Variants in E2F3 observed in about 807,000 individuals in gnomAD.
The protein encoded by E2F3 is E2F transcription factor 3.
A neutral mutation model predicts 44.4 loss-of-function variants in E2F3; 11 were observed. That is an observed-to-expected ratio of 0.25 (90% CI 0.16 to 0.41). The LOEUF is 0.41. Among genes scored for constraint, E2F3 ranks in the 10% least tolerant of loss-of-function variants. The pLI, the probability that E2F3 is intolerant of heterozygous loss-of-function variation, is 1.00. For synonymous variants in E2F3, 249 were observed against 253.0 expected, an observed-to-expected ratio of 0.98 and a Z score of 0.15; for missense variants, 487 against 583.6, an observed-to-expected ratio of 0.83 and a Z score of 1.70.
chr6:20,429,456 A>G (rs1020343241), intron 1 of E2F3, among the ~76,000 whole-genome samples: 5 of 151,952 alleles, frequency 3.3e-5, no homozygotes, highest in African/African-American at 1.2e-4. Context: ...CTATTCCCCA[A>G]CCCTCATTCC....
At position 20,402,481 on chromosome 6, in the gene E2F3, C is replaced by A. The variant is rs919183891; in HGVS notation, c.249C>A (p.Pro83=). 1.7e-5 allele frequency: 27 copies of A among 1,608,788 alleles called. No homozygotes were observed. Among genetic ancestry groups the A allele is most frequent in the Admixed American group, 5.0e-5 (3 of 59,952 alleles). ...AAAGCGGCGCCGTAGCCGCCGGCCC[C>A]CTCCTCCCCAGTGCCCCCGGCGCGG... ...SLQSGAVAAG[P]LLPSAPGAEQ... The change falls in exon 1 of 7, where the codon CCC becomes CCA. Residue 83 remains proline (P), a synonymous_variant. Transcript: ENST00000346618. The surrounding 1 kb of genome is among the most constrained non-coding windows in gnomAD (Gnocchi z 5.6).
At chr6:20,476,980 C>T (rs1051685368) in intron 1 of E2F3, among the ~76,000 whole-genome samples, 1 of 152,126 alleles carries the variant, frequency 6.6e-6, no homozygotes, top group Non-Finnish European at 1.5e-5. Context: ...CTGAGGCAAG[C>T]CACATCGTAA....
intron 1 of E2F3, among the ~76,000 whole-genome samples, chr6:20,470,564 T>A (rs1285428559): frequency 6.7e-6 from 1 of 150,160 alleles, no homozygotes; most frequent in African/African-American, 2.5e-5. Flanking sequence ...ATTTCACTGA[T>A]GTACTTAACT....
chr6:20,449,550 T>C (rs909475758), intron 1 of E2F3, among the ~76,000 whole-genome samples: 1 of 152,190 alleles, frequency 6.6e-6, no homozygotes, highest in Non-Finnish European at 1.5e-5. Flanking sequence ...TAATTTCCTA[T>C]AAGGGGATCA....
chr6:20,416,959 A>G (rs930456602), intron 1 of E2F3, among the ~76,000 whole-genome samples: 1 of 152,160 alleles, frequency 6.6e-6, no homozygotes. Flanking sequence ...CACGGGACTC[A>G]GCAACAGAAA....
At chr6:20,430,762 A>C (rs1760374197) in intron 1 of E2F3, among the ~76,000 whole-genome samples, 1 of 152,190 alleles carries the variant, frequency 6.6e-6, no homozygotes, top group Non-Finnish European at 1.5e-5. Context: ...GGACATGTTG[A>C]TTATAAAAGA....
At chr6:20,406,519 G>C (rs1039368170) in intron 1 of E2F3, among the ~76,000 whole-genome samples, 6 of 152,252 alleles carry the variant, frequency 3.9e-5, no homozygotes, top group African/African-American at 1.4e-4. Context: ...GTCTTTAAGT[G>C]ATCTGTAATT....
chr6:20,439,466 TGTAA>T (rs1760700621), intron 1 of E2F3, among the ~76,000 whole-genome samples: 1 of 152,240 alleles, frequency 6.6e-6, no homozygotes, highest in Non-Finnish European at 1.5e-5. Context: ...ATTTTAATAC[TGTAA>T]GTCTTTCCAC....
Position 20,461,783 on chromosome 6 carries a change from C to T in E2F3, c.394-18063C>T, listed in dbSNP as rs563047852. On this transcript the variant is annotated intron_variant, in intron 1 of 6. Transcript: ENST00000346618. ...AAATTCTTGTGTACACATCCTTGTG[C>T]ATATGCGCAAGAGTTTATGGTGCAT... Among the ~76,000 whole-genome samples the T allele has an allele frequency of 3.3e-5, 5 of 152,308 alleles. No homozygotes were observed. The East Asian group carries it at 9.7e-4, about 29-fold the overall frequency.
chr6:20,478,611 C>A (rs912044377), intron 1 of E2F3, among the ~76,000 whole-genome samples: 2 of 152,148 alleles, frequency 1.3e-5, no homozygotes, highest in African/African-American at 4.8e-5. Flanking sequence ...GACTTCGAGA[C>A]CAGCCTGGCC....
chr6:20,438,484 G>A (rs1760666614), intron 1 of E2F3, among the ~76,000 whole-genome samples: 1 of 151,910 alleles, frequency 6.6e-6, no homozygotes, highest in African/African-American at 2.4e-5. Flanking sequence ...TCAGTGTCTC[G>A]GCATATTTGA....
chr6:20,417,588 TAAAAA>T (rs11344554), intron 1 of E2F3, among the ~76,000 whole-genome samples: 3 of 139,136 alleles, frequency 2.2e-5, no homozygotes, highest in African/African-American at 7.7e-5. Context: ...ATAATGGATT[TAAAAA>T]AAAAAAAAAA....
chr6:20,468,361 C>G (rs1168216595), intron 1 of E2F3, among the ~76,000 whole-genome samples: 1 of 152,176 alleles, frequency 6.6e-6, no homozygotes, highest in African/African-American at 2.4e-5. Context: ...GAGCAGCTCA[C>G]AGAACTCAGG....
At chr6:20,481,059 C>G in intron 2 of E2F3, 147 bp from the exon 3 acceptor site, 1 of 716,964 alleles carries the variant, frequency 1.4e-6, no homozygotes, top group South Asian at 2.0e-5. Flanking sequence ...CTATGACTTG[C>G]CAACACCAAC....
At chr6:20,427,851 G>A (rs115739495) in intron 1 of E2F3, among the ~76,000 whole-genome samples, 253 of 152,276 alleles carry the variant, frequency 1.7e-3, no homozygotes, top group African/African-American at 5.5e-3. Flanking sequence ...AAGTGAGTTG[G>A]CAGCAGTTCA....
At chr6:20,419,196 T>G (rs1455411499) in intron 1 of E2F3, among the ~76,000 whole-genome samples, 1 of 152,206 alleles carries the variant, frequency 6.6e-6, no homozygotes, top group Non-Finnish European at 1.5e-5. Flanking sequence ...TGCCAGAATG[T>G]GTTTAGTTAT....
At chr6:20,484,352 C>A (rs1762323554) in intron 4 of E2F3, among the ~76,000 whole-genome samples, 1 of 152,222 alleles carries the variant, frequency 6.6e-6, no homozygotes, top group South Asian at 2.1e-4. Context: ...ACAGCTTGTT[C>A]ACAAATGTGT....
rs553193899 is a variant in E2F3 at position 20,405,415 on chromosome 6, C to T, written c.393+2790C>T. 1.2e-3 allele frequency among the ~76,000 whole-genome samples: 175 copies of T among 145,976 alleles called. 1 individual carries two copies. The highest frequency in any genetic ancestry group is 3.9e-3 in the African/African-American group (155 of 39,300). ...AGGCTGGAGTGCAATGGCACGATCT[C>T]GGCTCACTGCAACCTCCGCCTCCCG... On this transcript the variant is annotated intron_variant, in intron 1 of 6. Coordinates refer to ENST00000346618, the MANE Select transcript of E2F3 (RefSeq NM_001949.5).
At chr6:20,421,360 T>C (rs548161442) in intron 1 of E2F3, among the ~76,000 whole-genome samples, 1 of 152,262 alleles carries the variant, frequency 6.6e-6, no homozygotes, top group Admixed American at 6.5e-5. Context: ...AATCACTATT[T>C]ATGGCAGCTA....
Sources: gnomAD v4.1 joint callset for allele counts (sites outside exome capture counted in the v4.1 genomes callset) on GRCh38, gnomAD v4.1.1 for gene constraint, Gnocchi (gnomAD v3.1) non-coding constraint, MANE v1.5 for transcripts, NCBI Gene and HGNC (gene_info 2026-07-23, HGNC 2026-07-21) for gene names.